Variants in RBFOX1 observed in about 807,000 individuals in gnomAD.
RBFOX1 encodes the protein RNA binding fox-1 homolog 1, also known as RNA binding protein fox-1 homolog 1.
RBFOX1 carries 8 observed loss-of-function variants against 57.7 expected under a neutral mutation model. That is an observed-to-expected ratio of 0.14 (90% CI 0.08 to 0.25). RBFOX1 has a LOEUF of 0.25. Ranked by LOEUF, RBFOX1 falls within the 10% of genes least tolerant of loss-of-function variation. RBFOX1 has a pLI of 1.00. For missense variants in RBFOX1, 611 were observed against 548.5 expected, an observed-to-expected ratio of 1.11 and a Z score of -1.14; for synonymous variants, 326 against 222.4, an observed-to-expected ratio of 1.47 and a Z score of -4.15.
intron 3 of RBFOX1, among the ~76,000 whole-genome samples, chr16:5,639,850 G>A (rs896683258): frequency 6.6e-6 from 1 of 152,202 alleles, no homozygotes; most frequent in African/African-American, 2.4e-5. Context: ...TCTTCATCTT[G>A]TGCCTTTGAA....
At chr16:6,827,043 G>T (rs1400210108) in intron 3 of RBFOX1, among the ~76,000 whole-genome samples, 1 of 152,110 alleles carries the variant, frequency 6.6e-6, no homozygotes, top group Non-Finnish European at 1.5e-5. Context: ...AGCAGTTTGG[G>T]GGCAGGCTTT....
intron 3 of RBFOX1, among the ~76,000 whole-genome samples, chr16:6,853,918 C>T (rs976302453): frequency 1.3e-5 from 2 of 152,244 alleles, no homozygotes; most frequent in South Asian, 2.1e-4. Context: ...ATAATTAGCT[C>T]TTCCTGGGTA....
intron 3 of RBFOX1, among the ~76,000 whole-genome samples, chr16:7,000,033 C>G (rs946234613): frequency 5.4e-5 from 8 of 148,768 alleles, no homozygotes; most frequent in African/African-American, 1.7e-4. Context: ...GATCACACCA[C>G]TGCACTCCAG....
chr16:6,107,255 C>T (rs79376482), intron 1 of RBFOX1, among the ~76,000 whole-genome samples: 3 of 152,152 alleles, frequency 2.0e-5, no homozygotes, highest in Admixed American at 6.5e-5. Context: ...CTGATGATAT[C>T]TATAGTAGGT....
intron 4 of RBFOX1, among the ~76,000 whole-genome samples, chr16:5,959,629 A>G (rs537315369): frequency 6.6e-6 from 1 of 152,338 alleles, no homozygotes; most frequent in Admixed American, 6.5e-5. Flanking sequence ...CTGAGTTTGG[A>G]TTGAATTTTA....
chr16:7,635,948 C>T (rs1248034970), intron 11 of RBFOX1, among the ~76,000 whole-genome samples: 1 of 152,114 alleles, frequency 6.6e-6, no homozygotes, highest in Non-Finnish European at 1.5e-5. Context: ...GTAGCTGGGA[C>T]TACAGGCGCC....
At chr16:6,711,867 T>C (rs1016743468) in intron 3 of RBFOX1, among the ~76,000 whole-genome samples, 6 of 152,186 alleles carry the variant, frequency 3.9e-5, no homozygotes, top group African/African-American at 1.4e-4. Context: ...CCTACCCAAT[T>C]TGAGGTCTTT....
At chr16:7,519,671 C>T (rs2077102520) in intron 5 of RBFOX1, 16 of 985,026 alleles carry the variant, frequency 1.6e-5, no homozygotes, top group Non-Finnish European at 1.9e-5. Context: ...TCTTTAGAAG[C>T]TTGGGAACCC....
chr16:6,776,171 G>C (rs2079301654), intron 3 of RBFOX1, among the ~76,000 whole-genome samples: 2 of 152,190 alleles, frequency 1.3e-5, no homozygotes, highest in Admixed American at 1.3e-4. Flanking sequence ...CAGCACTTTG[G>C]GAGGCCAGTG....
chr16:6,892,839 G>A (rs1229254471), intron 3 of RBFOX1, among the ~76,000 whole-genome samples: 1 of 135,054 alleles, frequency 7.4e-6, no homozygotes. Context: ...TTCTGCTTCA[G>A]GGTGTTCTGT....
At chr16:7,423,513 G>T (rs965684866) in intron 4 of RBFOX1, among the ~76,000 whole-genome samples, 1 of 151,984 alleles carries the variant, frequency 6.6e-6, no homozygotes, top group African/African-American at 2.4e-5. Context: ...GTGAGGGGAG[G>T]TACTTTGCAT....
chr16:6,759,688 C>G (rs935070704), intron 3 of RBFOX1, among the ~76,000 whole-genome samples: 11 of 152,052 alleles, frequency 7.2e-5, no homozygotes, highest in African/African-American at 2.4e-4. Flanking sequence ...TAAATTTCAA[C>G]TTTAATAATA....
At chr16:6,681,883 C>T (rs1481365945) in intron 3 of RBFOX1, among the ~76,000 whole-genome samples, 1 of 152,170 alleles carries the variant, frequency 6.6e-6, no homozygotes, top group Non-Finnish European at 1.5e-5. Flanking sequence ...TCTTTAGTCT[C>T]TTCTGCTATT....
intron 3 of RBFOX1, among the ~76,000 whole-genome samples, chr16:6,900,407 A>G (rs1210435472): frequency 2.6e-5 from 4 of 152,170 alleles, no homozygotes; most frequent in African/African-American, 9.7e-5. Context: ...AGATTTTGAA[A>G]CATCTAATCA....
chr16:6,891,457 A>C (rs148954487), intron 3 of RBFOX1, among the ~76,000 whole-genome samples: 1,904 of 152,068 alleles, frequency 0.013, 23 homozygotes, highest in Non-Finnish European at 0.02. Context: ...ACACATACAC[A>C]CACACACTAG....
intron 5 of RBFOX1, chr16:7,519,671 C>G (rs2077102520): frequency 4.1e-6 from 4 of 985,028 alleles, no homozygotes; most frequent in Non-Finnish European, 4.8e-6. Flanking sequence ...TCTTTAGAAG[C>G]TTGGGAACCC....
intron 3 of RBFOX1, among the ~76,000 whole-genome samples, chr16:6,761,485 C>T (rs1443255745): frequency 2.1e-5 from 3 of 141,710 alleles, no homozygotes; most frequent in African/African-American, 7.9e-5. Context: ...AATAGTTTTC[C>T]TTTCTCCCAA....
chr16:6,389,772 A>G (rs1298966584), intron 2 of RBFOX1, among the ~76,000 whole-genome samples: 1 of 152,228 alleles, frequency 6.6e-6, no homozygotes, highest in Non-Finnish European at 1.5e-5. Flanking sequence ...TCAGGGACTC[A>G]AAGACATGAG....
chr16:6,179,446 C>T (rs1002551449), intron 1 of RBFOX1, among the ~76,000 whole-genome samples: 3 of 152,142 alleles, frequency 2.0e-5, no homozygotes. Context: ...GGAGACCTGA[C>T]CCCATGTTGG....
Sources: gnomAD v4.1 joint callset for allele counts (sites outside exome capture counted in the v4.1 genomes callset) on GRCh38, gnomAD v4.1.1 for gene constraint, MANE v1.5 for transcripts, NCBI Gene and HGNC (gene_info 2026-07-23, HGNC 2026-07-21) for gene names.